The following TMEM232 variants were observed in gnomAD, a reference collection of about 807,000 sequenced individuals.
The protein encoded by TMEM232 is transmembrane protein 232.
In TMEM232, 80 loss-of-function variants were observed where a neutral mutation model predicts 78.8. That is an observed-to-expected ratio of 1.01 (90% CI 0.85 to 1.22). The LOEUF is 1.22. TMEM232 is among the 50% of genes most tolerant of loss of function. The pLI, the probability that TMEM232 is intolerant of heterozygous loss-of-function variation, is 0.00. For missense variants in TMEM232, 881 were observed against 742.2 expected, an observed-to-expected ratio of 1.19 and a Z score of -2.17; for synonymous variants, 297 against 254.3, an observed-to-expected ratio of 1.17 and a Z score of -1.60.
chr5:110,677,112 T>C (rs1047372713), intron 1 of TMEM232, among the ~76,000 whole-genome samples: 5 of 152,200 alleles, frequency 3.3e-5, no homozygotes, highest in African/African-American at 1.2e-4. Context: ...TATCTCATTG[T>C]GGTCTCAATT....
At chr5:110,697,158 T>G (rs536228818) in intron 1 of TMEM232, among the ~76,000 whole-genome samples, 1 of 152,198 alleles carries the variant, frequency 6.6e-6, no homozygotes, top group South Asian at 2.1e-4. Flanking sequence ...TCTGCAACCA[T>G]CTGATCTTTG....
chr5:110,666,456 T>A (rs1234459619), intron 2 of TMEM232, among the ~76,000 whole-genome samples: 3 of 152,172 alleles, frequency 2.0e-5, no homozygotes, highest in Non-Finnish European at 4.4e-5. Context: ...AACATTTTTA[T>A]ACAAATTATT....
chr5:110,508,998 G>GTATATATGTA (rs1767348264), intron 12 of TMEM232, among the ~76,000 whole-genome samples: 1 of 123,482 alleles, frequency 8.1e-6, no homozygotes, highest in African/African-American at 3.9e-5. Flanking sequence ...GTGTATATAT[G>GTATATATGTA]TATATATATA....
At chr5:110,439,591 G>T (rs61470281) in intron 12 of TMEM232, among the ~76,000 whole-genome samples, 2 of 151,888 alleles carry the variant, frequency 1.3e-5, no homozygotes, top group Non-Finnish European at 2.9e-5. Context: ...TTTCAGTCTC[G>T]CTTTTCCTTG....
intron 12 of TMEM232, among the ~76,000 whole-genome samples, chr5:110,467,186 A>T (rs1336161877): frequency 2.6e-5 from 4 of 152,232 alleles, no homozygotes; most frequent in African/African-American, 9.6e-5. Flanking sequence ...TGATGCTGAA[A>T]TCATGAAGAC....
At chr5:110,412,289 T>C (rs1756025979) in intron 2 of TMEM232, among the ~76,000 whole-genome samples, 1 of 152,240 alleles carries the variant, frequency 6.6e-6, no homozygotes, top group African/African-American at 2.4e-5. Context: ...AATTCAACCC[T>C]GAACAATCCT....
chr5:110,524,539 T>G (rs1770279557), intron 12 of TMEM232, among the ~76,000 whole-genome samples: 1 of 152,162 alleles, frequency 6.6e-6, no homozygotes, highest in Admixed American at 6.5e-5. Context: ...CTTTTTGAAT[T>G]TGTTAAGACT....
At chr5:110,421,203 C>G (rs1192512930) in intron 13 of TMEM232, among the ~76,000 whole-genome samples, 1 of 151,738 alleles carries the variant, frequency 6.6e-6, no homozygotes, top group Non-Finnish European at 1.5e-5. Context: ...AATTAATGGT[C>G]AGGTAAATGC....
chr5:110,460,151 T>C (rs1250330122), intron 12 of TMEM232, among the ~76,000 whole-genome samples: 8 of 152,172 alleles, frequency 5.3e-5, no homozygotes, highest in Non-Finnish European at 1.2e-4. Context: ...TAGCATTATA[T>C]CAATTTTAAT....
At chr5:110,625,848 G>A (rs1784357954) in intron 6 of TMEM232, among the ~76,000 whole-genome samples, 1 of 151,716 alleles carries the variant, frequency 6.6e-6, no homozygotes, top group Non-Finnish European at 1.5e-5. Context: ...TTCTCAAGAT[G>A]TTATTATTTA....
Position 110,627,711 on chromosome 5 carries a change from T to C in TMEM232, c.601+70A>G, listed in dbSNP as rs1784600001. On this transcript the variant is annotated intron_variant, in intron 6 of 13. Coordinates refer to ENST00000455884, the MANE Select transcript of TMEM232 (RefSeq NM_001039763.4). The stretch of plus-strand genomic sequence containing the variant: ...AATAAAATGCAGCTTACGTTCTTTA[T>C]AGTGACAGTCTGAGCTTATCAAAAT... The C allele has an allele frequency of 1.0e-5, 11 of 1,079,576 alleles. No homozygotes were observed. In the Admixed American group the frequency reaches 1.4e-4, roughly 13 times the overall value. The allele number at this position is 1,079,576 out of a possible 1,614,324, so 66.9% of individuals were successfully genotyped here.
chr5:110,590,793 A>C (rs1184329580), intron 10 of TMEM232, among the ~76,000 whole-genome samples: 2 of 152,234 alleles, frequency 1.3e-5, no homozygotes, highest in Non-Finnish European at 2.9e-5. Flanking sequence ...GGGAAGCCTC[A>C]GGAAACTTAT....
intron 1 of TMEM232, among the ~76,000 whole-genome samples, chr5:110,702,086 A>C (rs1424898893): frequency 6.6e-6 from 1 of 151,998 alleles, no homozygotes; most frequent in Admixed American, 6.6e-5. Context: ...CTCTCATGGT[A>C]CAGCAGTTAT....
intron 10 of TMEM232, among the ~76,000 whole-genome samples, chr5:110,599,374 G>T (rs944134855): frequency 6.6e-6 from 1 of 152,112 alleles, no homozygotes; most frequent in Non-Finnish European, 1.5e-5. Flanking sequence ...ACACCGACTA[G>T]AAAACTGGAT....
intron 11 of TMEM232, 97 bp from the exon 12 acceptor site, chr5:110,528,932 T>G: frequency 9.2e-7 from 1 of 1,089,846 alleles, no homozygotes; most frequent in Non-Finnish European, 1.2e-6. Flanking sequence ...CTTTATTTTC[T>G]TTGACTAATA....
chr5:110,490,410 C>A (rs984012814), intron 12 of TMEM232, among the ~76,000 whole-genome samples: 2 of 152,076 alleles, frequency 1.3e-5, no homozygotes, highest in Admixed American at 6.6e-5. Flanking sequence ...TGAATTAGAA[C>A]ACTTGATGTT....
chr5:110,604,436 T>C (rs938223615), intron 10 of TMEM232, among the ~76,000 whole-genome samples: 3 of 152,196 alleles, frequency 2.0e-5, no homozygotes, highest in Admixed American at 6.5e-5. Flanking sequence ...GAAGTAATTG[T>C]AGAGAAATCC....
intron 5 of TMEM232, among the ~76,000 whole-genome samples, chr5:110,631,541 C>G (rs1245879082): frequency 6.6e-6 from 1 of 152,146 alleles, no homozygotes; most frequent in African/African-American, 2.4e-5. Context: ...CCTCTGCAGG[C>G]CCAGCCACTG....
At position 110,628,232 on chromosome 5, in the gene TMEM232, A is replaced by C. The variant is rs369026812; in HGVS notation, c.502-352T>G. Among the ~76,000 whole-genome samples, 9 of 152,256 alleles carry C rather than the reference A, an allele frequency of 5.9e-5. 1 individual carries two copies. Among genetic ancestry groups the C allele is most frequent in the East Asian group, 5.8e-4 (3 of 5,186 alleles). On this transcript the variant is annotated intron_variant, in intron 5 of 13. Transcript: ENST00000455884. Reference sequence around the variant, plus strand: ...TTTTTAAATAAAATAAAAGAGAAGAAAAAATATATTTTACTGTACAATTCC... The same window carrying C: ...TTTTTAAATAAAATAAAAGAGAAGACAAAATATATTTTACTGTACAATTCC...
Sources: allele counts gnomAD v4.1 joint callset (sites outside exome capture counted in the v4.1 genomes callset), GRCh38; gene constraint gnomAD v4.1.1; transcripts MANE v1.5; gene names NCBI Gene and HGNC (gene_info 2026-07-23, HGNC 2026-07-21).